Variants in PTDSS2 observed in about 807,000 individuals in gnomAD.
PTDSS2 encodes PSS-2.
PTDSS2 carries 41 observed loss-of-function variants against 64.7 expected under a neutral mutation model. The ratio of observed to expected loss-of-function variants is 0.63; its 90% CI spans 0.49 to 0.82. The LOEUF (loss-of-function observed/expected upper bound fraction) is 0.82, where lower values mean the gene tolerates loss of function less well. Ranked by LOEUF, PTDSS2 falls within the 40% of genes least tolerant of loss-of-function variation. The pLI, the probability that PTDSS2 is intolerant of heterozygous loss-of-function variation, is 0.00. For missense variants in PTDSS2, 485 were observed against 650.0 expected (o/e 0.75, Z 2.76); for synonymous variants, 297 against 277.8 (o/e 1.07, Z -0.69).
rs1847960822 is a variant in PTDSS2, at chr11:479,292, C to A, written c.435+140C>A. The A allele has an allele frequency of 1.0e-5, 8 of 777,804 alleles. No individual in the cohort carries two copies. The highest frequency in any genetic ancestry group is 3.1e-4 in the Middle Eastern group (1 of 3,238). 48.2% of individuals were successfully genotyped at this position (777,804 alleles called of 1,614,324 possible). A position where few individuals can be genotyped will look rare whatever the true frequency, so the allele number is the denominator to read the frequency against. On this transcript the variant is annotated intron_variant, in intron 4 of 11. Transcript: ENST00000308020. The surrounding 1 kb of genome is among the most constrained non-coding windows in gnomAD (Gnocchi z 4.2). ...CTAGACCCCCACAAAGTAGGCCGAG[C>A]TGCGGGGGGTCTCCAGGAGCATCTG...
rs1362112243 is a variant in PTDSS2 at position 460,328 on chromosome 11, T to G, written c.284+40T>G. Reference sequence around the variant, plus strand: ...TGTCCTGCCTTCTGAAACTGCCCTGTGCCCCGTGTGGTGGGTGTGGCACCC... The same window carrying G: ...TGTCCTGCCTTCTGAAACTGCCCTGGGCCCCGTGTGGTGGGTGTGGCACCC... On this transcript the variant is annotated intron_variant, in intron 2 of 11. Transcript: ENST00000308020. This position sits in a 1 kb window ranked among gnomAD's most constrained non-coding sequence, Gnocchi z 5.8. 1 of 1,541,774 alleles carries G rather than the reference T, an allele frequency of 6.5e-7. No homozygotes were observed. Among genetic ancestry groups the G allele is most frequent in the Non-Finnish European group, 9.0e-7 (1 of 1,116,150 alleles).
In PTDSS2 at chr11:470,737, C is replaced by G. The variant is rs1218962041; in HGVS notation, c.285-3158C>G. Among the ~76,000 whole-genome samples the G allele has an allele frequency of 1.3e-5, 2 of 151,802 alleles. No individual in the cohort carries two copies. Among genetic ancestry groups the G allele is most frequent in the African/African-American group, 2.4e-5 (1 of 41,310 alleles). On this transcript the variant is annotated intron_variant, in intron 2 of 11. Transcript: ENST00000308020. This position sits in a 1 kb window ranked among gnomAD's most constrained non-coding sequence, Gnocchi z 5.3. Reference sequence around the variant, plus strand: ...CCCGAGTAGCTGGGATTACAGGTGCCTGCCACCACATCTGGCTAATTTGTG... The same window carrying G: ...CCCGAGTAGCTGGGATTACAGGTGCGTGCCACCACATCTGGCTAATTTGTG...
Position 490,034 on chromosome 11 carries a change from G to A in PTDSS2, c.1267G>A (p.Ala423Thr), listed in dbSNP as rs144339651. The A allele has an allele frequency of 6.2e-6, 10 of 1,610,786 alleles. No individual in the cohort carries two copies. Among genetic ancestry groups the A allele is most frequent in the Non-Finnish European group, 8.5e-6 (10 of 1,179,970 alleles). ...SQCWTLGSVL[A>T]LTWTVWRFFL... is the part of the protein sequence containing the mutation. Reference sequence around the variant, plus strand: ...GTGCTGGACCCTCGGCTCCGTCCTGGCGCTCACCTGGACCGTCTGGCGCTT... The same window carrying A: ...GTGCTGGACCCTCGGCTCCGTCCTGACGCTCACCTGGACCGTCTGGCGCTT... The change falls in exon 11 of 12, where the codon GCG becomes ACG. Residue 423 changes from alanine (A) to threonine (T), a missense_variant. This residue lies in a region of PTDSS2 where 219 missense variants were observed against 257.3 expected (regional missense o/e 0.85). Transcript: ENST00000308020.
At chr11:469,950 A>G (rs1258021814) in intron 2 of PTDSS2, among the ~76,000 whole-genome samples, 1 of 152,234 alleles carries the variant, frequency 6.6e-6, no homozygotes, top group Non-Finnish European at 1.5e-5. Flanking sequence ...TAGTATTAGA[A>G]TATAACCCAG....
chr11:488,256 C>G lies in PTDSS2; in HGVS notation c.679C>G (p.Leu227Val). 1 of 1,613,646 alleles carries G rather than the reference C, an allele frequency of 6.2e-7. No individual in the cohort carries two copies. The highest frequency in any genetic ancestry group is 8.5e-7 in the Non-Finnish European group (1 of 1,179,964). The part of the protein sequence containing the change: ...CMIISVMFEF[L>V]EYSLEHQLPN... ...GATCATCAGCGTGATGTTCGAGTTC[C>G]TGGAGTACAGCCTGGAGCACCAGCT... Residue 227 changes from leucine to valine, a missense_variant, in exon 7 of 12, where the codon CTG (leucine) becomes GTG (valine). By Grantham distance (32) the Leu-to-Val change is conservative. Around this residue, in one of 3 missense-constraint regions of PTDSS2, gnomAD observed 251 missense variants for 348.0 expected, o/e 0.72. Coordinates refer to ENST00000308020, the MANE Select transcript of PTDSS2 (RefSeq NM_030783.3).
chr11:482,142 G>A (rs927722099), intron 4 of PTDSS2, among the ~76,000 whole-genome samples: 3 of 151,808 alleles, frequency 2.0e-5, no homozygotes, highest in South Asian at 2.1e-4. Flanking sequence ...CACCGTGCCC[G>A]GCCGATGTCT....
At position 468,308 on chromosome 11, in the gene PTDSS2, C is replaced by T. The variant is rs149964041; in HGVS notation, c.285-5587C>T. Among the ~76,000 whole-genome samples, 1,026 of 152,222 alleles carry T rather than the reference C, an allele frequency of 6.7e-3. 9 individuals are homozygous for T. Among genetic ancestry groups the T allele is most frequent in the Admixed American group, 0.013 (192 of 15,292 alleles). On this transcript the variant is annotated intron_variant, in intron 2 of 11. Coordinates refer to ENST00000308020, the MANE Select transcript of PTDSS2 (RefSeq NM_030783.3). ...GGTAGTGAAAACATCAGTTGTTTCC[C>T]GGGGAAAGGGGAGAGTGGATAGTAG... is the stretch of plus-strand genomic sequence containing the variant.
chr11:477,726 C>T (rs764689863), intron 3 of PTDSS2, among the ~76,000 whole-genome samples: 4 of 152,332 alleles, frequency 2.6e-5, no homozygotes, highest in Admixed American at 2.6e-4. Context: ...GCCTGCAGGC[C>T]GGGCACCTGC....
intron 5 of PTDSS2, 33 bp downstream of exon 5, chr11:487,106 C>T: frequency 6.3e-7 from 1 of 1,594,292 alleles, no homozygotes; most frequent in South Asian, 1.1e-5. Context: ...GCGAGCCCCT[C>T]CCCAGGTGTG....
Position 460,111 on chromosome 11 carries a change from T to C in PTDSS2, c.183-76T>C. ...AGCCCTCTCCTTGACGTAGAGAGGA[T>C]TTGGGGCCTGTTACGTGAGTATTTA... On this transcript the variant is annotated intron_variant, in intron 1 of 11. Transcript: ENST00000308020. This position sits in a 1 kb window ranked among gnomAD's most constrained non-coding sequence, Gnocchi z 5.8. The C allele has an allele frequency of 1.7e-6, 2 of 1,159,400 alleles. No individual in the cohort carries two copies. The highest frequency in any genetic ancestry group is 2.6e-6 in the Non-Finnish European group (2 of 777,904). 71.8% of individuals were successfully genotyped at this position (1,159,400 alleles called of 1,614,324 possible). A position where few individuals can be genotyped will look rare whatever the true frequency, so the allele number is the denominator to read the frequency against.
intron 3 of PTDSS2, among the ~76,000 whole-genome samples, chr11:478,628 C>T (rs936764474): frequency 2.6e-5 from 4 of 151,898 alleles, no homozygotes; most frequent in Admixed American, 2.0e-4. Flanking sequence ...CCTGTGAGCC[C>T]AGCTACTCGG....
chr11:485,330 C>T (rs568582681), intron 4 of PTDSS2, among the ~76,000 whole-genome samples: 6 of 120,976 alleles, frequency 5.0e-5, no homozygotes, highest in South Asian at 2.6e-4. Flanking sequence ...TGTAAGTGCA[C>T]GAGCGCGTGT....
intron 1 of PTDSS2, among the ~76,000 whole-genome samples, chr11:454,872 G>A (rs567738202): frequency 1.3e-5 from 2 of 152,340 alleles, no homozygotes; most frequent in African/African-American, 4.8e-5. Flanking sequence ...ACTTGGTGCT[G>A]GTGGGACACA....
intron 2 of PTDSS2, among the ~76,000 whole-genome samples, chr11:465,698 G>C (rs1420814162): frequency 6.6e-6 from 1 of 152,034 alleles, no homozygotes; most frequent in Non-Finnish European, 1.5e-5. Context: ...GCCAATCTAG[G>C]AGGATTGCTT....
rs368563620 is a variant in PTDSS2, at chr11:489,680, C to T, written c.1062C>T (p.Phe354=). 6.9e-4 allele frequency: 1,103 copies of T among 1,601,764 alleles called. 1 individual carries two copies. The highest frequency in any genetic ancestry group is 8.6e-4 in the Non-Finnish European group (1,008 of 1,175,070). ...HYLVLLRLVF[F]VNVGGVAMRE... ...TGGTCCTCCTGCGGCTCGTCTTCTT[C>T]GTGAACGTGGGTGGCGTGGCCATGC... Residue 354 remains phenylalanine, a synonymous_variant, in exon 10 of 12, where the codon TTC becomes TTT. Transcript: ENST00000308020.
At chr11:452,667 G>T (rs1846392033) in intron 1 of PTDSS2, among the ~76,000 whole-genome samples, 1 of 152,120 alleles carries the variant, frequency 6.6e-6, no homozygotes, top group South Asian at 2.1e-4. Flanking sequence ...TGTCCCTGTA[G>T]AGACGCATGG....
chr11:463,965 A>G (rs1385817966), intron 2 of PTDSS2: 1 of 151,672 alleles, frequency 6.6e-6, no homozygotes, highest in Non-Finnish European at 1.5e-5. Context: ...TCCCCACCTT[A>G]GGGGATGATT....
At chr11:467,016 C>T (rs1462917337) in intron 2 of PTDSS2, among the ~76,000 whole-genome samples, 3 of 152,134 alleles carry the variant, frequency 2.0e-5, no homozygotes, top group African/African-American at 7.2e-5. Context: ...GATCACACCA[C>T]TGCACTCCAG....
chr11:456,170 CTT>C (rs71022912), intron 1 of PTDSS2, among the ~76,000 whole-genome samples: 14 of 114,874 alleles, frequency 1.2e-4, no homozygotes, highest in Non-Finnish European at 1.8e-4. Context: ...TTCTTTCATT[CTT>C]TTTTTTTTTT....
Sources: gnomAD v4.1 joint callset for allele counts (sites outside exome capture counted in the v4.1 genomes callset) on GRCh38, gnomAD v4.1.1 for gene constraint, gnomAD v4.1.1 regional missense constraint, Gnocchi (gnomAD v3.1) non-coding constraint, MANE v1.5 for transcripts, NCBI Gene and HGNC (gene_info 2026-07-23, HGNC 2026-07-21) for gene names.